The following CELSR3 variants were observed in gnomAD, a reference collection of about 807,000 sequenced individuals.
CELSR3 encodes EGF-like protein 1.
In CELSR3, 73 loss-of-function variants were observed where a neutral mutation model predicts 270.0. The ratio of observed to expected loss-of-function variants is 0.27; its 90% confidence interval spans 0.22 to 0.33. The LOEUF (loss-of-function observed/expected upper bound fraction) is 0.33, where lower values mean the gene tolerates loss of function less well. CELSR3 is among the 10% of genes least tolerant of loss of function. CELSR3 has a pLI of 1.00. For synonymous variants in CELSR3, 1,780 were observed against 1,905.4 expected (o/e 0.93, Z 1.71); for missense variants, 3,614 against 4,533.8 (o/e 0.80, Z 5.83).
In CELSR3 at chr3:48,651,627, G is replaced by T. The variant is rs547714181; in HGVS notation, c.6015C>A (p.Gly2005=). 2 of 1,591,436 alleles carry T rather than the reference G, an allele frequency of 1.3e-6. No homozygotes were observed. Among genetic ancestry groups the T allele is most frequent in the Admixed American group, 3.5e-5 (2 of 56,952 alleles). ...AGCCACCCACACAGTCACAGGTATA[G>T]CCATGGGGGGCTCCTGGCAGGTGCC... The part of the protein sequence containing the change: ...SCRHLPGAPH[G]YTCDCVGGYF... The change falls in exon 13 of 35, where the codon GGC becomes GGA. Residue 2005 remains glycine (G), a synonymous_variant. Transcript: ENST00000164024. This position sits in a 1 kb window ranked among gnomAD's most constrained non-coding sequence, Gnocchi z 7.4.
At position 48,660,657 on chromosome 3, in the gene CELSR3, C is replaced by T; in HGVS notation, c.1978G>A (p.Val660Ile). The change falls in exon 1 of 35, where the codon GTC (valine) becomes ATC (isoleucine). Residue 660 changes from valine (V) to isoleucine (I), a missense_variant. This residue lies in a region of CELSR3 where 354 missense variants were observed against 500.9 expected (regional missense o/e 0.71). Coordinates refer to ENST00000164024, the MANE Select transcript of CELSR3 (RefSeq NM_001407.3). The surrounding 1 kb of genome is among the most constrained non-coding windows in gnomAD (Gnocchi z 5.5). ...TGACCCAAGGGAGCATTTTCCAAGA[C>T]AGAAACTTGGAAGGGCGTGCTGACA... ...IFVSTPFQVS[V>I]LENAPLGHSV... 1.2e-6 allele frequency: 2 copies of T among 1,614,184 alleles called. No individual in the cohort carries two copies. Among genetic ancestry groups the T allele is most frequent in the Non-Finnish European group, 1.7e-6 (2 of 1,180,048 alleles).
Position 48,651,276 on chromosome 3 carries a change from G to C in CELSR3, c.6186+83C>G. 3 of 1,582,690 alleles carry C rather than the reference G, an allele frequency of 1.9e-6. No individual in the cohort carries two copies. The highest frequency in any genetic ancestry group is 1.2e-5 in the South Asian group (1 of 86,464). On this transcript the variant is annotated intron_variant, in intron 14 of 34. Coordinates refer to ENST00000164024, the MANE Select transcript of CELSR3 (RefSeq NM_001407.3). The surrounding 1 kb of genome is among the most constrained non-coding windows in gnomAD (Gnocchi z 7.4). ...ACACAGGCAAGAGGTTAGGGCCCAA[G>C]TCAGGTGGCGGAGGTCAGCAAGCTG...
chr3:48,661,143 T>C lies in CELSR3; in HGVS notation c.1492A>G (p.Ser498Gly). 6.2e-7 allele frequency: 1 copy of C among 1,606,326 alleles called. No homozygotes were observed. Among genetic ancestry groups the C allele is most frequent in the Non-Finnish European group, 8.5e-7 (1 of 1,176,774 alleles). ...ATGTGCTCGCGGTCCACTCGGCCGC[T>C]GGTGCTGATGAGGCCGGAGCGTGGA... ...IDPRSGLIST[S>G]GRVDREHMES... The change falls in exon 1 of 35, where the codon AGC becomes GGC. Residue 498 changes from serine to glycine, a missense_variant. Ser to Gly is a moderately conservative substitution (Grantham distance 56, BLOSUM62 0). Around this residue, in one of 7 missense-constraint regions of CELSR3, gnomAD observed 354 missense variants for 500.9 expected, o/e 0.71. Transcript: ENST00000164024.
rs765176803 is a variant in CELSR3, at chr3:48,645,700, C to G, written c.7590+42G>C. Reference sequence around the variant, plus strand: ...GTTGTTGGGCAGAATCCCCGTGTCCCTTTGACCCCCCACTTCCTTGGGACA... The same window carrying G: ...GTTGTTGGGCAGAATCCCCGTGTCCGTTTGACCCCCCACTTCCTTGGGACA... On this transcript the variant is annotated intron_variant, in intron 23 of 34. Coordinates refer to ENST00000164024, the MANE Select transcript of CELSR3 (RefSeq NM_001407.3). The surrounding 1 kb of genome is among the most constrained non-coding windows in gnomAD (Gnocchi z 5.4). 6.2e-7 allele frequency: 1 copy of G among 1,600,512 alleles called. No homozygotes were observed. Among genetic ancestry groups the G allele is most frequent in the Admixed American group, 1.7e-5 (1 of 59,754 alleles).
chr3:48,661,820 G>T lies in CELSR3; in HGVS notation c.815C>A (p.Ala272Glu). The change falls in exon 1 of 35, where the codon GCG (alanine) becomes GAG (glutamate). Residue 272 changes from alanine to glutamate, a missense_variant. Transcript: ENST00000164024. ...PRESRTAPEPAPKRMRSRGLF... is the reference protein window; with the variant it reads ...PRESRTAPEPEPKRMRSRGLF... ...ACCCCGGGAGCGCATGCGCTTGGGC[G>T]CCGGCTCGGGAGCTGTCCGAGACTC... 1 of 1,609,098 alleles carries T rather than the reference G, an allele frequency of 6.2e-7. No individual in the cohort carries two copies. The highest frequency in any genetic ancestry group is 1.3e-5 in the African/African-American group (1 of 75,040).
chr3:48,662,353 G>T lies in CELSR3; in HGVS notation c.282C>A (p.Ser94Arg). ...CAGGGGGCCCTCGACTATTCCGGGC[G>T]CTTTGCCTTCTCCCTCGGAGCCCCA... ...IFVGLRGRRQ[S>R]ARNSRGPPEQ... Residue 94 changes from serine (S) to arginine (R), a missense_variant, in exon 1 of 35, where the codon AGC becomes AGA. By Grantham distance (110) the Ser-to-Arg change is moderately radical. This residue lies in a region of CELSR3 where 470 missense variants were observed against 469.7 expected (regional missense o/e 1.00). Transcript: ENST00000164024. The surrounding 1 kb of genome is among the most constrained non-coding windows in gnomAD (Gnocchi z 7.1). 6.2e-7 allele frequency: 1 copy of T among 1,613,062 alleles called. No individual in the cohort carries two copies. Among genetic ancestry groups the T allele is most frequent in the Non-Finnish European group, 8.5e-7 (1 of 1,180,010 alleles).
rs1175395717 is a variant in CELSR3, at chr3:48,660,214, C to G, written c.2421G>C (p.Gln807His). 1.9e-6 allele frequency: 3 copies of G among 1,614,016 alleles called. No homozygotes were observed. Among genetic ancestry groups the G allele is most frequent in the Non-Finnish European group, 2.5e-6 (3 of 1,180,046 alleles). Reference protein sequence around the residue: ...NTRNRFAISTQGGVGLVTLAL... With the variant: ...NTRNRFAISTHGGVGLVTLAL... Reference sequence around the variant, plus strand: ...CCAGAGTCACCAGACCCACACCCCCCTGGGTGCTGATGGCAAAGCGATTCC... The same window carrying G: ...CCAGAGTCACCAGACCCACACCCCCGTGGGTGCTGATGGCAAAGCGATTCC... Residue 807 changes from glutamine to histidine, a missense_variant, in exon 1 of 35, where the codon CAG (glutamine) becomes CAC (histidine). By Grantham distance (24) the Gln-to-His change is conservative. This residue lies in a region of CELSR3 where 215 missense variants were observed against 241.2 expected (regional missense o/e 0.89). Transcript: ENST00000164024. The surrounding 1 kb of genome is among the most constrained non-coding windows in gnomAD (Gnocchi z 5.5).
chr3:48,655,725 G>A lies in CELSR3; in HGVS notation c.4741+11C>T, dbSNP rs2047174614. ...CACGCACCCTTTCGCCGTCACATCC[G>A]GGGCACCCACCCGTGGAATATGTGA... On this transcript the variant is annotated intron_variant, in intron 4 of 34. Transcript: ENST00000164024. The surrounding 1 kb of genome is among the most constrained non-coding windows in gnomAD (Gnocchi z 5.8). 6 of 1,610,112 alleles carry A rather than the reference G, an allele frequency of 3.7e-6. No individual in the cohort carries two copies. Among genetic ancestry groups the A allele is most frequent in the Non-Finnish European group, 5.1e-6 (6 of 1,176,764 alleles).
rs765842926 is a variant in CELSR3 at position 48,639,667 on chromosome 3, T to C, written c.9911+7A>G. Reference sequence around the variant, plus strand: ...AGGGTGCAAGCAGGTGGCTGGACCATACTTACTCTGAGTCTGGCGACAGCT... The same window carrying C: ...AGGGTGCAAGCAGGTGGCTGGACCACACTTACTCTGAGTCTGGCGACAGCT... On this transcript the variant is annotated splice_region_variant and intron_variant, in intron 34 of 34. Transcript: ENST00000164024. The surrounding 1 kb of genome is among the most constrained non-coding windows in gnomAD (Gnocchi z 4.1). 1.2e-6 allele frequency: 2 copies of C among 1,612,812 alleles called. No individual in the cohort carries two copies. Among genetic ancestry groups the C allele is most frequent in the East Asian group, 2.2e-5 (1 of 44,882 alleles).
Position 48,639,974 on chromosome 3 carries a change from A to T in CELSR3, c.9611T>A (p.Leu3204Gln). 1 of 1,612,798 alleles carries T rather than the reference A, an allele frequency of 6.2e-7. No homozygotes were observed. ...LSRSSNSREQ[L>Q]DQVPSRHPSR... ...GGGGTGCCGGCTAGGCACCTGGTCC[A>T]GCTGCTCCCGAGAGTTCGAGCTCCT... Residue 3204 changes from leucine to glutamine, a missense_variant, in exon 34 of 35, where the codon CTG becomes CAG. This residue lies in a region of CELSR3 where 1,240 missense variants were observed against 1,351.7 expected (regional missense o/e 0.92). Transcript: ENST00000164024. The surrounding 1 kb of genome is among the most constrained non-coding windows in gnomAD (Gnocchi z 4.1).
At position 48,641,376 on chromosome 3, in the gene CELSR3, G is replaced by A. The variant is rs1365148115; in HGVS notation, c.8973C>T (p.Ala2991=). ...GAGAAGTCTCATCCCCACTGGTCAG[G>A]GCCGGGTCTGGCTGGTTGTTGTTAG... ...DAANNNQPDP[A]LTSGDETSLG... is the part of the protein sequence containing the mutation. Residue 2991 remains alanine, a synonymous_variant, in exon 33 of 35, where the codon GCC becomes GCT. Coordinates refer to ENST00000164024, the MANE Select transcript of CELSR3 (RefSeq NM_001407.3). The surrounding 1 kb of genome is among the most constrained non-coding windows in gnomAD (Gnocchi z 4.8). The A allele has an allele frequency of 6.2e-7, 1 of 1,612,520 alleles. No individual in the cohort carries two copies. Among genetic ancestry groups the A allele is most frequent in the East Asian group, 2.2e-5 (1 of 44,880 alleles).
rs1182321956 is a variant in CELSR3, at chr3:48,637,518, G to A, written c.*687C>T. The A allele has an allele frequency of 2.0e-5, 3 of 152,676 alleles. No homozygotes were observed. The highest frequency in any genetic ancestry group is 7.2e-5 in the African/African-American group (3 of 41,400). The allele number at this position is 152,676 out of a possible 1,614,324, so 9.5% of individuals were successfully genotyped here. A position where few individuals can be genotyped will look rare whatever the true frequency, so the allele number is the denominator to read the frequency against. On this transcript the variant is annotated 3_prime_UTR_variant, in exon 35 of 35. Coordinates refer to ENST00000164024, the MANE Select transcript of CELSR3 (RefSeq NM_001407.3). ...CAGGGAAGCCTTGCTCTGTAAACAC[G>A]ACATCAGCTGCTCCACCAGCACCCC...
In CELSR3 at chr3:48,659,260, C is replaced by T. The variant is rs200128579; in HGVS notation, c.3375G>A (p.Thr1125=). ...FQMDIFSGEL[T]ALIDLDYEAR... Reference sequence around the variant, plus strand: ...CCTCATAGTCTAGGTCAATGAGTGCCGTCAGTTCTCCAGAGAAGATGTCCA... The same window carrying T: ...CCTCATAGTCTAGGTCAATGAGTGCTGTCAGTTCTCCAGAGAAGATGTCCA... The change falls in exon 1 of 35, where the codon ACG becomes ACA. Residue 1125 remains threonine (T), a synonymous_variant. Coordinates refer to ENST00000164024, the MANE Select transcript of CELSR3 (RefSeq NM_001407.3). This position sits in a 1 kb window ranked among gnomAD's most constrained non-coding sequence, Gnocchi z 8.1. 2.5e-5 allele frequency: 41 copies of T among 1,614,138 alleles called. No individual in the cohort carries two copies. The highest frequency in any genetic ancestry group is 2.9e-5 in the Non-Finnish European group (34 of 1,180,026).
chr3:48,641,293 T>G lies in CELSR3; in HGVS notation c.9025+31A>C. ...GGGCATGAGCAGCCCCCAGCGTGTC[T>G]GCGGTGTGGGCCAGGGCTCAGGGAC... On this transcript the variant is annotated intron_variant, in intron 33 of 34. Coordinates refer to ENST00000164024, the MANE Select transcript of CELSR3 (RefSeq NM_001407.3). The surrounding 1 kb of genome is among the most constrained non-coding windows in gnomAD (Gnocchi z 4.8). 2 of 1,447,898 alleles carry G rather than the reference T, an allele frequency of 1.4e-6. No individual in the cohort carries two copies. The highest frequency in any genetic ancestry group is 2.3e-5 in the South Asian group (2 of 87,342). 89.7% of individuals were successfully genotyped at this position (1,447,898 alleles called of 1,614,324 possible). A position where few individuals can be genotyped will look rare whatever the true frequency, so the allele number is the denominator to read the frequency against.
In CELSR3 at chr3:48,642,046, A is replaced by C; in HGVS notation, c.8666-37T>G. The C allele has an allele frequency of 6.7e-7, 1 of 1,500,270 alleles. No individual in the cohort carries two copies. The highest frequency in any genetic ancestry group is 1.4e-5 in the South Asian group (1 of 73,294). The allele number at this position is 1,500,270 out of a possible 1,614,324, so 92.9% of individuals were successfully genotyped here. A position where few individuals can be genotyped will look rare whatever the true frequency, so the allele number is the denominator to read the frequency against. The stretch of plus-strand genomic sequence containing the variant: ...AAAGTCAGAAGTACTTTCAGAGGTA[A>C]GGGACTTGGAGATAAGGGAATTTGG... On this transcript the variant is annotated intron_variant, in intron 31 of 34. Transcript: ENST00000164024. The surrounding 1 kb of genome is among the most constrained non-coding windows in gnomAD (Gnocchi z 6.1).
At position 48,656,568 on chromosome 3, in the gene CELSR3, G is replaced by A. The variant is rs1032294559; in HGVS notation, c.4399+130C>T. ...GCGGCCCCTTCCGGCCACGCTCTAC[G>A]GCTTCTGGCCTAAGCGCGTCCATAC... On this transcript the variant is annotated intron_variant, in intron 2 of 34. Coordinates refer to ENST00000164024, the MANE Select transcript of CELSR3 (RefSeq NM_001407.3). The A allele has an allele frequency of 5.4e-6, 7 of 1,293,504 alleles. No individual in the cohort carries two copies. In the Admixed American group the frequency reaches 1.7e-4, roughly 32 times the overall value. The allele number at this position is 1,293,504 out of a possible 1,614,324, so 80.1% of individuals were successfully genotyped here.
Position 48,662,194 on chromosome 3 carries a change from A to T in CELSR3, c.441T>A (p.Pro147=). The T allele has an allele frequency of 1.2e-6, 2 of 1,612,578 alleles. No individual in the cohort carries two copies. The highest frequency in any genetic ancestry group is 1.7e-6 in the Non-Finnish European group (2 of 1,179,380). ...PEVSSCGRTG[P]LQRGSLSPGA... Reference sequence around the variant, plus strand: ...CTGGTGACAGACTACCTCTTTGCAAAGGTCCTGTCCGCCCGCAAGAGGAGA... The same window carrying T: ...CTGGTGACAGACTACCTCTTTGCAATGGTCCTGTCCGCCCGCAAGAGGAGA... Residue 147 remains proline, a synonymous_variant, in exon 1 of 35, where the codon CCT becomes CCA. Coordinates refer to ENST00000164024, the MANE Select transcript of CELSR3 (RefSeq NM_001407.3). The surrounding 1 kb of genome is among the most constrained non-coding windows in gnomAD (Gnocchi z 7.1).
At position 48,650,841 on chromosome 3, in the gene CELSR3, G is replaced by A. The variant is rs2047130559; in HGVS notation, c.6370+51C>T. On this transcript the variant is annotated intron_variant, in intron 15 of 34. Coordinates refer to ENST00000164024, the MANE Select transcript of CELSR3 (RefSeq NM_001407.3). The surrounding 1 kb of genome is among the most constrained non-coding windows in gnomAD (Gnocchi z 5.1). ...ATGTGTGCCACTGACACGTGATGGTGGCACACTGGAACCAGCCCTCTATGG... is the reference window on the plus strand; with the variant it reads ...ATGTGTGCCACTGACACGTGATGGTAGCACACTGGAACCAGCCCTCTATGG... 6.4e-7 allele frequency: 1 copy of A among 1,571,144 alleles called. No homozygotes were observed. The highest frequency in any genetic ancestry group is 1.4e-5 in the African/African-American group (1 of 73,718).
chr3:48,655,443 A>T lies in CELSR3; in HGVS notation c.4742-49T>A. The T allele has an allele frequency of 1.3e-6, 2 of 1,584,136 alleles. No homozygotes were observed. Among genetic ancestry groups the T allele is most frequent in the East Asian group, 2.2e-5 (1 of 44,690 alleles). Reference sequence around the variant, plus strand: ...TCATCAGGAGCAGCGGAGTCGCCCCATCCCACCCGTCATATAAGCACAACC... The same window carrying T: ...TCATCAGGAGCAGCGGAGTCGCCCCTTCCCACCCGTCATATAAGCACAACC... On this transcript the variant is annotated intron_variant, in intron 4 of 34. Transcript: ENST00000164024. This position sits in a 1 kb window ranked among gnomAD's most constrained non-coding sequence, Gnocchi z 5.8.
Sources: gnomAD v4.1 joint callset for allele counts on GRCh38, gnomAD v4.1.1 for gene constraint, gnomAD v4.1.1 regional missense constraint, Gnocchi (gnomAD v3.1) non-coding constraint, MANE v1.5 for transcripts, NCBI Gene and HGNC (gene_info 2026-07-23, HGNC 2026-07-21) for gene names.